WNK2: variants seen among roughly 807,000 people sequenced by gnomAD.
WNK2 encodes the protein WNK lysine deficient protein kinase 2.
WNK2 carries 67 observed loss-of-function variants against 192.1 expected under a neutral mutation model. The observed-to-expected ratio is 0.35, with a 90% CI of 0.29 to 0.43. WNK2 has a LOEUF of 0.43. WNK2 is among the 20% of genes least tolerant of loss of function. WNK2 has a pLI of 1.00. For missense variants in WNK2, 2,698 were observed against 3,089.7 expected (o/e 0.87, Z 3.01); for synonymous variants, 1,439 against 1,393.9 (o/e 1.03, Z -0.72).
chr9:93,299,085 C>T lies in WNK2; in HGVS notation c.5939C>T (p.Ser1980Phe), dbSNP rs1295373025. 6.2e-7 allele frequency: 1 copy of T among 1,610,490 alleles called. No individual in the cohort carries two copies. The highest frequency in any genetic ancestry group is 1.7e-5 in the Admixed American group (1 of 59,962). ...VASSTGHLAD[S>F]SRGPPAKDPA... The stretch of plus-strand genomic sequence containing the variant: ...CCCCGCCCAGGTCACTTGGCTGACT[C>T]CAGCAGAGGCCCTCCCGCTAAGGAC... Residue 1980 changes from serine to phenylalanine, a missense_variant, in exon 25 of 30, where the codon TCC (serine) becomes TTC (phenylalanine). Transcript: ENST00000427277.
chr9:93,289,675 G>T, intron 20 of WNK2, 55 bp downstream of exon 20: 5 of 1,417,558 alleles, frequency 3.5e-6, no homozygotes, highest in South Asian at 1.5e-5. Context: ...CCGGAGCCCG[G>T]GCGCAGGCCC....
At chr9:93,317,229 G>A (rs920837384) in intron 28 of WNK2, 14 of 543,380 alleles carry the variant, frequency 2.6e-5, no homozygotes, top group Non-Finnish European at 4.6e-5. Flanking sequence ...TGCGCCCTCA[G>A]GGTCCAGGCC....
Position 93,297,969 on chromosome 9 carries a change from C to G in WNK2, c.5825C>G (p.Pro1942Arg), listed in dbSNP as rs1437525628. Residue 1942 changes from proline to arginine, a missense_variant, in exon 24 of 30, where the codon CCC becomes CGC. Physicochemically the swap from Pro to Arg is moderately radical, Grantham distance 103 (BLOSUM62 -2). Coordinates refer to ENST00000427277, the MANE Select transcript of WNK2 (RefSeq NM_006648.4). The stretch of plus-strand genomic sequence containing the variant: ...GTGGGCTTCTTCCACACGGCACCCC[C>G]CACTGGCCGCCGGAGAAAAACCAGC... ...PNVGFFHTAP[P>R]TGRRRKTSKS... The G allele has an allele frequency of 1.9e-6, 3 of 1,570,764 alleles. No homozygotes were observed. Among genetic ancestry groups the G allele is most frequent in the Non-Finnish European group, 2.6e-6 (3 of 1,159,304 alleles).
chr9:93,303,455 G>A (rs977495345), intron 26 of WNK2, among the ~76,000 whole-genome samples: 2 of 152,184 alleles, frequency 1.3e-5, no homozygotes, highest in Middle Eastern at 3.2e-3. Context: ...TTTGGCTCAG[G>A]GACCCTCCGG....
chr9:93,269,878 G>A lies in WNK2; in HGVS notation c.4033+1132G>A, dbSNP rs368692633. Among the ~76,000 whole-genome samples, 8 of 152,278 alleles carry A rather than the reference G, an allele frequency of 5.3e-5. No individual in the cohort carries two copies. The East Asian group carries it at 7.7e-4, about 15-fold the overall frequency. On this transcript the variant is annotated intron_variant, in intron 19 of 29. Coordinates refer to ENST00000427277, the MANE Select transcript of WNK2 (RefSeq NM_006648.4). ...AATTGGTGGCAGATCTGTTAATTTA[G>A]ATAAACCATCCACTGAGAATAACCA...
At chr9:93,318,827 G>T in intron 29 of WNK2, 1 of 1,403,898 alleles carries the variant, frequency 7.1e-7, no homozygotes, top group Non-Finnish European at 9.2e-7. Flanking sequence ...CACAGCCCTT[G>T]GTGGGAGGGG....
intron 2 of WNK2, among the ~76,000 whole-genome samples, chr9:93,211,449 C>T (rs1225005192): frequency 6.7e-6 from 1 of 150,316 alleles, no homozygotes; most frequent in Non-Finnish European, 1.5e-5. Flanking sequence ...CTCATCCACT[C>T]ACCCACCCAC....
At position 93,259,238 on chromosome 9, in the gene WNK2, T is replaced by C; in HGVS notation, c.2690T>C (p.Leu897Pro). 6.2e-7 allele frequency: 1 copy of C among 1,613,304 alleles called. No individual in the cohort carries two copies. Among genetic ancestry groups the C allele is most frequent in the East Asian group, 2.2e-5 (1 of 44,862 alleles). Residue 897 changes from leucine (L) to proline (P), a missense_variant, in exon 12 of 30, where the codon CTG becomes CCG. Leu to Pro is a moderately conservative substitution (Grantham distance 98, BLOSUM62 -3). This residue lies in a region of WNK2 where 893 missense variants were observed against 909.0 expected (regional missense o/e 0.98). Coordinates refer to ENST00000427277, the MANE Select transcript of WNK2 (RefSeq NM_006648.4). The surrounding 1 kb of genome is among the most constrained non-coding windows in gnomAD (Gnocchi z 4.8). Reference sequence around the variant, plus strand: ...GTAGCCCCACCGGGCGTGGCTGCCCTGTCCATTCATTCTGCCGTGGCCCAG... The same window carrying C: ...GTAGCCCCACCGGGCGTGGCTGCCCCGTCCATTCATTCTGCCGTGGCCCAG... ...LAVAPPGVAA[L>P]SIHSAVAQLP... is the part of the protein sequence containing the mutation.
At chr9:93,221,575 G>T (rs1191652229) in intron 2 of WNK2, among the ~76,000 whole-genome samples, 1 of 152,228 alleles carries the variant, frequency 6.6e-6, no homozygotes, top group Non-Finnish European at 1.5e-5. Context: ...AGCTCCATCT[G>T]GCTCAGTAAC....
intron 2 of WNK2, among the ~76,000 whole-genome samples, chr9:93,193,388 T>G (rs1830679126): frequency 6.6e-6 from 1 of 152,104 alleles, no homozygotes; most frequent in Non-Finnish European, 1.5e-5. Flanking sequence ...GGGCCTCAGG[T>G]CAACCTCTTT....
chr9:93,262,039 C>T lies in WNK2; in HGVS notation c.3292C>T (p.Leu1098=). The T allele has an allele frequency of 1.9e-6, 3 of 1,610,706 alleles. No homozygotes were observed. The highest frequency in any genetic ancestry group is 2.5e-6 in the Non-Finnish European group (3 of 1,178,486). ...ATLLPPANPP[L]PGGPGIASPC... Reference sequence around the variant, plus strand: ...ACTTCTGCCACCAGCAAACCCACCGCTGCCTGGCGGGCCCGGGATCGCCAG... The same window carrying T: ...ACTTCTGCCACCAGCAAACCCACCGTTGCCTGGCGGGCCCGGGATCGCCAG... Residue 1098 remains leucine (L), a synonymous_variant, in exon 13 of 30, where the codon CTG becomes TTG. Coordinates refer to ENST00000427277, the MANE Select transcript of WNK2 (RefSeq NM_006648.4).
chr9:93,293,321 GC>G, intron 23 of WNK2, 148 bp downstream of exon 23: 2 of 603,854 alleles, frequency 3.3e-6, no homozygotes, highest in Non-Finnish European at 5.0e-6. Flanking sequence ...AGTGATGAAG[GC>G]TTTTTTTTTT....
Position 93,199,726 on chromosome 9 carries a change from G to A in WNK2, c.681+14116G>A, listed in dbSNP as rs1395487842. ...ATCCTGGCTAACTCGGTGAAACCCCGTCTCTACTAAAAATACAAAAAAATT... is the reference window on the plus strand; with the variant it reads ...ATCCTGGCTAACTCGGTGAAACCCCATCTCTACTAAAAATACAAAAAAATT... On this transcript the variant is annotated intron_variant, in intron 2 of 29. Coordinates refer to ENST00000427277, the MANE Select transcript of WNK2 (RefSeq NM_006648.4). Among the ~76,000 whole-genome samples, 6 of 151,734 alleles carry A rather than the reference G, an allele frequency of 4.0e-5. No homozygotes were observed. The South Asian group carries it at 1.0e-3, about 26-fold the overall frequency.
chr9:93,198,646 C>G (rs577880906), intron 2 of WNK2, among the ~76,000 whole-genome samples: 1 of 152,310 alleles, frequency 6.6e-6, no homozygotes, highest in Admixed American at 6.5e-5. Context: ...CAGCCTCCAT[C>G]CTCTGATGTG....
intron 2 of WNK2, among the ~76,000 whole-genome samples, chr9:93,203,348 G>A (rs925942991): frequency 2.0e-5 from 3 of 151,854 alleles, no homozygotes; most frequent in Non-Finnish European, 4.4e-5. Context: ...TGGTAGCAGA[G>A]GATGCAGAGG....
At chr9:93,275,668 T>C (rs1846746395) in intron 19 of WNK2, among the ~76,000 whole-genome samples, 2 of 152,216 alleles carry the variant, frequency 1.3e-5, no homozygotes, top group African/African-American at 4.8e-5. Flanking sequence ...TAAAACTATC[T>C]TATTTGCAGA....
At chr9:93,312,650 T>C (rs1385486476) in intron 28 of WNK2, among the ~76,000 whole-genome samples, 1 of 152,166 alleles carries the variant, frequency 6.6e-6, no homozygotes, top group Admixed American at 6.6e-5. Flanking sequence ...AGTGCTGGGA[T>C]AGAGTTGATT....
At position 93,259,622 on chromosome 9, in the gene WNK2, C is replaced by T. The variant is rs753041176; in HGVS notation, c.3066+8C>T. ...GCTACACCAGGGAGCCAGGTAATCA[C>T]CTGCTGGGCAGGGGCTCACCCTCCC... is the stretch of plus-strand genomic sequence containing the variant. On this transcript the variant is annotated splice_region_variant and intron_variant, in intron 12 of 29. Coordinates refer to ENST00000427277, the MANE Select transcript of WNK2 (RefSeq NM_006648.4). The surrounding 1 kb of genome is among the most constrained non-coding windows in gnomAD (Gnocchi z 4.8). 3.9e-5 allele frequency: 61 copies of T among 1,562,426 alleles called. No individual in the cohort carries two copies. The highest frequency in any genetic ancestry group is 4.9e-5 in the Non-Finnish European group (57 of 1,163,292).
intron 2 of WNK2, among the ~76,000 whole-genome samples, chr9:93,187,928 C>A (rs867050265): frequency 6.6e-6 from 1 of 152,174 alleles, no homozygotes; most frequent in African/African-American, 2.4e-5. Context: ...GGGGTCAGGT[C>A]TCACTGAGCA....
Sources: allele counts gnomAD v4.1 joint callset (sites outside exome capture counted in the v4.1 genomes callset), GRCh38; gene constraint gnomAD v4.1.1; regional missense constraint gnomAD v4.1.1; non-coding constraint Gnocchi (gnomAD v3.1); transcripts MANE v1.5; gene names NCBI Gene and HGNC (gene_info 2026-07-23, HGNC 2026-07-21).